The following SGCZ variants were observed in gnomAD, a reference collection of about 807,000 sequenced individuals.
The protein encoded by SGCZ is zeta-sarcoglycan.
Under a neutral mutation model 41.3 loss-of-function variants are expected in SGCZ, and 40 were observed. That is an observed-to-expected ratio of 0.97 (90% CI 0.75 to 1.26). The LOEUF is 1.26. Ranked by LOEUF, SGCZ falls within the 50% of genes most tolerant of loss-of-function variation. The pLI is 0.00. For synonymous variants in SGCZ, 206 were observed against 137.5 expected, an observed-to-expected ratio of 1.50 and a Z score of -3.49; for missense variants, 552 against 369.8, an observed-to-expected ratio of 1.49 and a Z score of -4.04.
chr8:14,926,355 G>T (rs760731100), intron 1 of SGCZ, among the ~76,000 whole-genome samples: 1 of 152,084 alleles, frequency 6.6e-6, no homozygotes, highest in Non-Finnish European at 1.5e-5. Context: ...ACTAAACTAT[G>T]TTGATAAGGT....
intron 1 of SGCZ, among the ~76,000 whole-genome samples, chr8:14,829,215 C>T (rs1802442070): frequency 6.6e-6 from 1 of 152,146 alleles, no homozygotes; most frequent in African/African-American, 2.4e-5. Flanking sequence ...TCTGATAGGC[C>T]CCAGTGCATA....
At chr8:14,744,508 T>C (rs549059029) in intron 1 of SGCZ, among the ~76,000 whole-genome samples, 1 of 152,270 alleles carries the variant, frequency 6.6e-6, no homozygotes, top group African/African-American at 2.4e-5. Flanking sequence ...TTCCTTTTTT[T>C]CTGGAGAAGT....
chr8:14,416,074 G>A (rs190220507), intron 2 of SGCZ, among the ~76,000 whole-genome samples: 1 of 152,056 alleles, frequency 6.6e-6, no homozygotes, highest in East Asian at 1.9e-4. Flanking sequence ...GCTACTTGAG[G>A]AGACTCCATA....
chr8:14,325,099 C>G (rs868100978), intron 2 of SGCZ, among the ~76,000 whole-genome samples: 4 of 151,956 alleles, frequency 2.6e-5, no homozygotes, highest in Admixed American at 1.3e-4. Flanking sequence ...AAGTCAGATT[C>G]CAAAAGAAGA....
intron 2 of SGCZ, among the ~76,000 whole-genome samples, chr8:14,454,358 G>A (rs944058602): frequency 2.6e-5 from 4 of 152,154 alleles, no homozygotes; most frequent in Admixed American, 2.6e-4. Context: ...TAATCCTGCT[G>A]AGGTTAAACA....
chr8:14,174,625 C>G (rs932452783), intron 4 of SGCZ, among the ~76,000 whole-genome samples: 1 of 152,022 alleles, frequency 6.6e-6, no homozygotes, highest in Non-Finnish European at 1.5e-5. Flanking sequence ...AGAAACAACA[C>G]TGAGAAAATA....
intron 2 of SGCZ, among the ~76,000 whole-genome samples, chr8:14,397,839 G>C (rs1798963313): frequency 6.6e-6 from 1 of 152,110 alleles, no homozygotes; most frequent in Non-Finnish European, 1.5e-5. Flanking sequence ...CTTCGTCTAA[G>C]ATTGTCAACC....
chr8:14,154,983 C>T (rs1024377228), intron 5 of SGCZ, among the ~76,000 whole-genome samples: 2 of 152,088 alleles, frequency 1.3e-5, no homozygotes, highest in Admixed American at 6.5e-5. Context: ...CACTGAAGGC[C>T]GTTGAAATTG....
At chr8:15,227,994 G>T (rs980659838) in intron 1 of SGCZ, among the ~76,000 whole-genome samples, 3 of 151,996 alleles carry the variant, frequency 2.0e-5, no homozygotes, top group East Asian at 1.9e-4. Context: ...GGCTTAAATC[G>T]TATCTTTCCA....
intron 1 of SGCZ, among the ~76,000 whole-genome samples, chr8:15,117,766 AAAAT>A (rs1807326778): frequency 6.6e-6 from 1 of 152,256 alleles, no homozygotes; most frequent in South Asian, 2.1e-4. Context: ...AACCACTCAG[AAAAT>A]AAATAACTAT....
chr8:14,554,126 T>C (rs1314341269), intron 2 of SGCZ, among the ~76,000 whole-genome samples: 1 of 152,042 alleles, frequency 6.6e-6, no homozygotes, highest in Non-Finnish European at 1.5e-5. Context: ...ATTTTGTAAT[T>C]AGTTACTTTT....
chr8:14,238,901 T>A lies in SGCZ; in HGVS notation c.337-1222A>T, dbSNP rs890939076. 3.3e-5 allele frequency among the ~76,000 whole-genome samples: 5 copies of A among 152,164 alleles called. No homozygotes were observed. In the South Asian group the frequency reaches 6.2e-4, roughly 19 times the overall value. ...TATGTCAATGTCAATATACAAGTGC[T>A]TTCATATGTAAGCTATATTAAAACT... On this transcript the variant is annotated intron_variant, in intron 3 of 7. Coordinates refer to ENST00000382080, the MANE Select transcript of SGCZ (RefSeq NM_139167.4).
In SGCZ at chr8:15,081,004, G is replaced by A. The variant is rs569057678; in HGVS notation, c.39+156581C>T. Among the ~76,000 whole-genome samples, 8 of 152,182 alleles carry A rather than the reference G, an allele frequency of 5.3e-5. No homozygotes were observed. The South Asian group carries it at 8.3e-4, about 16-fold the overall frequency. On this transcript the variant is annotated intron_variant, in intron 1 of 7. Transcript: ENST00000382080. Reference sequence around the variant, plus strand: ...CGGCCACCTACAAGCCAAGCAGAGAGGCCTCAGCAGAAGCAACGCTGCCAA... The same window carrying A: ...CGGCCACCTACAAGCCAAGCAGAGAAGCCTCAGCAGAAGCAACGCTGCCAA...
intron 2 of SGCZ, among the ~76,000 whole-genome samples, chr8:14,417,100 C>G (rs536490901): frequency 1.3e-5 from 2 of 151,884 alleles, no homozygotes; most frequent in East Asian, 3.9e-4. Context: ...TTATTCTATG[C>G]TCAACCTGTT....
intron 5 of SGCZ, among the ~76,000 whole-genome samples, chr8:14,161,846 T>C (rs1804056135): frequency 6.6e-6 from 1 of 152,072 alleles, no homozygotes; most frequent in Non-Finnish European, 1.5e-5. Context: ...CACATATATG[T>C]ATATCTATAC....
intron 1 of SGCZ, among the ~76,000 whole-genome samples, chr8:15,100,438 T>C (rs1199998708): frequency 1.3e-5 from 2 of 152,094 alleles, no homozygotes; most frequent in Non-Finnish European, 2.9e-5. Flanking sequence ...AAAATACTGA[T>C]GAAAGAAATC....
chr8:14,203,187 C>T (rs377573357), intron 4 of SGCZ, among the ~76,000 whole-genome samples: 18 of 152,002 alleles, frequency 1.2e-4, no homozygotes, highest in African/African-American at 2.7e-4. Flanking sequence ...ATCAGCAGTG[C>T]GAAAGCAGAC....
At chr8:14,196,404 G>A (rs1180341717) in intron 4 of SGCZ, among the ~76,000 whole-genome samples, 1 of 151,948 alleles carries the variant, frequency 6.6e-6, no homozygotes, top group South Asian at 2.1e-4. Flanking sequence ...CAGAAAGAGA[G>A]ACAATAACAA....
intron 1 of SGCZ, among the ~76,000 whole-genome samples, chr8:14,836,579 AC>A (rs1284414432): frequency 6.6e-6 from 1 of 152,024 alleles, no homozygotes; most frequent in Admixed American, 6.6e-5. Context: ...GCTCACTGCA[AC>A]CTTCATCTCC....
Sources: allele counts gnomAD v4.1 joint callset (sites outside exome capture counted in the v4.1 genomes callset), GRCh38; gene constraint gnomAD v4.1.1; transcripts MANE v1.5; gene names NCBI Gene and HGNC (gene_info 2026-07-23, HGNC 2026-07-21).